Variants in LAD1 observed in about 807,000 individuals in gnomAD.
The protein encoded by LAD1 is ladinin-1.
A neutral mutation model predicts 54.2 loss-of-function variants in LAD1; 53 were observed. The ratio of observed to expected loss-of-function variants is 0.98; its 90% CI spans 0.78 to 1.23. LAD1 has a LOEUF of 1.23. Ranked by LOEUF, LAD1 falls within the 50% of genes most tolerant of loss-of-function variation. LAD1 has a pLI of 0.00. For missense variants in LAD1, 637 were observed against 653.3 expected, an observed-to-expected ratio of 0.98 and a Z score of 0.27; for synonymous variants, 231 against 257.7, an observed-to-expected ratio of 0.90 and a Z score of 0.99.
Position 201,383,384 on chromosome 1 carries a change from C to A in LAD1, c.1181G>T (p.Ser394Ile), listed in dbSNP as rs192262447. 3.7e-6 allele frequency: 6 copies of A among 1,614,066 alleles called. No individual in the cohort carries two copies. The highest frequency in any genetic ancestry group is 2.7e-5 in the African/African-American group (2 of 75,042). The change falls in exon 6 of 10, where the codon AGC (serine) becomes ATC (isoleucine). Residue 394 changes from serine (S) to isoleucine (I), a missense_variant. Transcript: ENST00000391967. The part of the protein sequence containing the change: ...NSETTLTRSA[S>I]MKLPDNTVKL... ...CACTGTGTTGTCTGGGAGCTTCATG[C>A]TGGCACTGCAGGATGGAAGATGGAA...
chr1:201,383,267 C>A, intron 6 of LAD1, 50 bp downstream of exon 6: 2 of 1,614,078 alleles, frequency 1.2e-6, no homozygotes, highest in Non-Finnish European at 1.7e-6. Context: ...AAGGGCCATG[C>A]CCACTACTCA....
At chr1:201,398,939 C>T (rs1482539830) in intron 1 of LAD1, among the ~76,000 whole-genome samples, 1 of 152,184 alleles carries the variant, frequency 6.6e-6, no homozygotes, top group Non-Finnish European at 1.5e-5. Flanking sequence ...TTGGAGGTTA[C>T]TCCTGAACAC....
At chr1:201,394,698 G>A (rs143104459) in intron 1 of LAD1, among the ~76,000 whole-genome samples, 2,926 of 152,286 alleles carry the variant, frequency 0.019, 36 homozygotes, top group Non-Finnish European at 0.029. Context: ...ACTTCTGCTG[G>A]CTTACACGTG....
At chr1:201,397,827 C>G (rs200375153) in intron 1 of LAD1, among the ~76,000 whole-genome samples, 1 of 135,026 alleles carries the variant, frequency 7.4e-6, no homozygotes, top group Non-Finnish European at 1.6e-5. Context: ...CACACACACA[C>G]ATAAGCATAC....
chr1:201,395,382 TA>T lies in LAD1; in HGVS notation c.38+3886del, dbSNP rs569201557. Among the ~76,000 whole-genome samples, 26 of 152,138 alleles carry T rather than the reference TA, an allele frequency of 1.7e-4. No homozygotes were observed. The South Asian group carries it at 4.8e-3, about 28-fold the overall frequency. On this transcript the variant is annotated intron_variant, in intron 1 of 9. Transcript: ENST00000391967. ...TGAACATGGTGAATAACTAAAGGAATAAGGGGGGAAGTGAGCACACTAACGT... is the reference window on the plus strand; with the variant it reads ...TGAACATGGTGAATAACTAAAGGAATAGGGGGGAAGTGAGCACACTAACGT...
rs200667130 is a variant in LAD1, at chr1:201,383,267, C to T, written c.1248+50G>A. ...ATGCTGGGGAGGGGAAAGGGCCATGCCCACTACTCATCCTGCACCCTCCGC... is the reference window on the plus strand; with the variant it reads ...ATGCTGGGGAGGGGAAAGGGCCATGTCCACTACTCATCCTGCACCCTCCGC... On this transcript the variant is annotated intron_variant, in intron 6 of 9. Transcript: ENST00000391967. 11 of 1,613,960 alleles carry T rather than the reference C, an allele frequency of 6.8e-6. No homozygotes were observed. In the East Asian group the frequency reaches 2.2e-4, roughly 33 times the overall value.
At chr1:201,397,790 C>G (rs1197307863) in intron 1 of LAD1, among the ~76,000 whole-genome samples, 1 of 126,654 alleles carries the variant, frequency 7.9e-6, no homozygotes, top group African/African-American at 3.1e-5. Flanking sequence ...AGGCCATAAA[C>G]ACACTTGTCC....
chr1:201,398,995 G>C (rs1168817252), intron 1 of LAD1, among the ~76,000 whole-genome samples: 1 of 152,248 alleles, frequency 6.6e-6, no homozygotes, highest in East Asian at 1.9e-4. Flanking sequence ...ACCTTCCACA[G>C]GGGGGGCCAT....
In LAD1 at chr1:201,383,111, G is replaced by T. The variant is rs140432313; in HGVS notation, c.1349C>A (p.Ala450Glu). ...SKRHLFEKEL[A>E]GQSRAEPASS... ...GGCTGGTTCTGCTCGGCTCTGGCCC[G>T]CCAGTTCCTTCTCAAAGAGGTGGCG... Residue 450 changes from alanine (A) to glutamate (E), a missense_variant, in exon 7 of 10, where the codon GCG (alanine) becomes GAG (glutamate). Coordinates refer to ENST00000391967, the MANE Select transcript of LAD1 (RefSeq NM_005558.4). 3 of 1,613,820 alleles carry T rather than the reference G, an allele frequency of 1.9e-6. No homozygotes were observed. The highest frequency in any genetic ancestry group is 2.5e-6 in the Non-Finnish European group (3 of 1,179,986).
In LAD1 at chr1:201,389,239, G is replaced by A. The variant is rs773766009; in HGVS notation, c.103C>T (p.Arg35Cys). ...TCGTCCGTGGTGGAGCTCAGGTTGC[G>A]GTGCCGCCGCCTGCGCTCGCGCTCC... ...EQERERRRRH[R>C]NLSSTTDDEA... The change falls in exon 2 of 10, where the codon CGC (arginine) becomes TGC (cysteine). Residue 35 changes from arginine (R) to cysteine (C), a missense_variant. Coordinates refer to ENST00000391967, the MANE Select transcript of LAD1 (RefSeq NM_005558.4). 98 of 1,614,030 alleles carry A rather than the reference G, an allele frequency of 6.1e-5. No individual in the cohort carries two copies. Among genetic ancestry groups the A allele is most frequent in the Admixed American group, 5.7e-4 (34 of 60,008 alleles).
intron 8 of LAD1, 81 bp downstream of exon 8, chr1:201,382,572 C>A: frequency 8.3e-7 from 1 of 1,203,172 alleles, no homozygotes; most frequent in Non-Finnish European, 1.2e-6. Context: ...GACTCCTCCT[C>A]TCCCGACTGT....
At position 201,382,749 on chromosome 1, in the gene LAD1, G is replaced by T; in HGVS notation, c.1387-10C>A. On this transcript the variant is annotated splice_polypyrimidine_tract_variant and intron_variant, in intron 7 of 9. Transcript: ENST00000391967. The stretch of plus-strand genomic sequence containing the variant: ...AGAGCCTCAAGTTCTCCTAAAAAGA[G>T]AACTTTCCATCTCAGGGTTTAGGGC... 6.3e-7 allele frequency: 1 copy of T among 1,583,618 alleles called. No individual in the cohort carries two copies. The highest frequency in any genetic ancestry group is 1.2e-5 in the South Asian group (1 of 86,938).
At chr1:201,389,037 C>T in intron 2 of LAD1, 123 bp downstream of exon 2, 1 of 1,165,582 alleles carries the variant, frequency 8.6e-7, no homozygotes, top group Non-Finnish European at 1.2e-6. Context: ...ACTGGAAATT[C>T]ATCATCACAC....
rs1661958672 is a variant in LAD1, at chr1:201,381,511, C to A, written c.*377G>T. 8 of 318,954 alleles carry A rather than the reference C, an allele frequency of 2.5e-5. No homozygotes were observed. The highest frequency in any genetic ancestry group is 3.5e-5 in the Non-Finnish European group (6 of 169,110). 19.8% of individuals were successfully genotyped at this position (318,954 alleles called of 1,614,324 possible). A position where few individuals can be genotyped will look rare whatever the true frequency, so the allele number is the denominator to read the frequency against. ...AGGCACTTGCTGGGAGCCGATGAGA[C>A]AGGTGACTCTGGAGTTCTTGAGGGG... On this transcript the variant is annotated 3_prime_UTR_variant, in exon 10 of 10. Coordinates refer to ENST00000391967, the MANE Select transcript of LAD1 (RefSeq NM_005558.4).
intron 5 of LAD1, among the ~76,000 whole-genome samples, chr1:201,383,858 C>CT (rs1363370466): frequency 1.3e-5 from 2 of 152,208 alleles, no homozygotes; most frequent in African/African-American, 4.8e-5. Context: ...CACAGTATGC[C>CT]TGTGTGCCAG....
chr1:201,384,778 T>C lies in LAD1; in HGVS notation c.1175+14A>G. ...TGGCCAAATAGAAAGAACCAGAGCC[T>C]CCAGGCCCCCCACCTGCGAGTTAGG... On this transcript the variant is annotated intron_variant, in intron 5 of 9. Coordinates refer to ENST00000391967, the MANE Select transcript of LAD1 (RefSeq NM_005558.4). 1 of 1,613,834 alleles carries C rather than the reference T, an allele frequency of 6.2e-7. No homozygotes were observed. The highest frequency in any genetic ancestry group is 8.5e-7 in the Non-Finnish European group (1 of 1,179,804).
intron 6 of LAD1, 43 bp downstream of exon 6, chr1:201,383,274 C>T: frequency 4.3e-6 from 7 of 1,614,024 alleles, no homozygotes; most frequent in South Asian, 1.1e-5. Context: ...ATGCCCACTA[C>T]TCATCCTGCA....
chr1:201,389,394 T>A, intron 1 of LAD1, 91 bp from the exon 2 acceptor site: 1 of 1,467,244 alleles, frequency 6.8e-7, no homozygotes, highest in Non-Finnish European at 9.2e-7. Flanking sequence ...AGAGACCAAA[T>A]GCCCTCTAGG....
At chr1:201,382,126 G>C in intron 9 of LAD1, 126 bp downstream of exon 9, 1 of 903,008 alleles carries the variant, frequency 1.1e-6, no homozygotes, top group Admixed American at 1.9e-5. Context: ...CATGAGCAGG[G>C]ATGGGGGCGT....
Sources: allele counts gnomAD v4.1 joint callset (sites outside exome capture counted in the v4.1 genomes callset), GRCh38; gene constraint gnomAD v4.1.1; transcripts MANE v1.5; gene names NCBI Gene and HGNC (gene_info 2026-07-23, HGNC 2026-07-21).